ITGA9: variants seen among roughly 807,000 people sequenced by gnomAD.
The protein encoded by ITGA9 is integrin subunit alpha 9.
In ITGA9, 56 loss-of-function variants were observed where a neutral mutation model predicts 127.8. The observed-to-expected ratio is 0.44, with a 90% confidence interval of 0.35 to 0.55. ITGA9 has a LOEUF of 0.55. ITGA9 is among the 20% of genes least tolerant of loss of function. The probability of loss-of-function intolerance (pLI) is 0.00; values close to 1 mark genes in which losing one functional copy is unlikely to be tolerated. For missense variants in ITGA9, 1,196 were observed against 1,347.1 expected, an observed-to-expected ratio of 0.89 and a Z score of 1.76; for synonymous variants, 508 against 514.5, an observed-to-expected ratio of 0.99 and a Z score of 0.17.
intron 26 of ITGA9, among the ~76,000 whole-genome samples, chr3:37,798,526 C>T (rs1426918635): frequency 6.6e-6 from 1 of 152,158 alleles, no homozygotes; most frequent in Admixed American, 6.5e-5. Flanking sequence ...AATTCAGAAT[C>T]TGCATTTTAA....
intron 17 of ITGA9, among the ~76,000 whole-genome samples, chr3:37,663,490 G>C (rs778398160): frequency 1.3e-5 from 2 of 152,174 alleles, no homozygotes; most frequent in Non-Finnish European, 2.9e-5. Context: ...GGGGTTGGGT[G>C]GTGGGGCGAA....
At chr3:37,645,264 G>A (rs781523151) in intron 16 of ITGA9, among the ~76,000 whole-genome samples, 10 of 152,108 alleles carry the variant, frequency 6.6e-5, no homozygotes, top group South Asian at 4.2e-4. Context: ...AAGTCATACC[G>A]CATATCAAGA....
At chr3:37,616,265 T>A (rs1391026858) in intron 15 of ITGA9, among the ~76,000 whole-genome samples, 1 of 152,230 alleles carries the variant, frequency 6.6e-6, no homozygotes, top group East Asian at 1.9e-4. Context: ...TTCCATGTAG[T>A]TGAGCGGTTT....
At chr3:37,801,998 CAGGT>C (rs1430385156) in intron 26 of ITGA9, among the ~76,000 whole-genome samples, 1 of 152,176 alleles carries the variant, frequency 6.6e-6, no homozygotes, top group Non-Finnish European at 1.5e-5. Flanking sequence ...ATTCAGTTGA[CAGGT>C]AGCCTATAAA....
chr3:37,652,773 T>C (rs1442141193), intron 16 of ITGA9, among the ~76,000 whole-genome samples: 1 of 152,200 alleles, frequency 6.6e-6, no homozygotes, highest in Non-Finnish European at 1.5e-5. Context: ...GGCTCTTCTC[T>C]CCAAATTCCA....
chr3:37,816,043 C>T (rs1697428195), intron 27 of ITGA9, among the ~76,000 whole-genome samples: 1 of 152,180 alleles, frequency 6.6e-6, no homozygotes, highest in Admixed American at 6.5e-5. Flanking sequence ...ACAACATCTC[C>T]TCCCTCTCAT....
chr3:37,557,393 T>C (rs1173655524), intron 15 of ITGA9, among the ~76,000 whole-genome samples: 1 of 152,198 alleles, frequency 6.6e-6, no homozygotes, highest in Non-Finnish European at 1.5e-5. Flanking sequence ...CAGAAAGGAT[T>C]CTGTCACCTA....
chr3:37,665,935 G>A (rs1416759378), intron 17 of ITGA9, among the ~76,000 whole-genome samples: 1 of 152,204 alleles, frequency 6.6e-6, no homozygotes, highest in African/African-American at 2.4e-5. Context: ...AGACATCGAA[G>A]GGTGACATGC....
At chr3:37,536,070 C>G (rs1437517602) in intron 14 of ITGA9, among the ~76,000 whole-genome samples, 2 of 152,298 alleles carry the variant, frequency 1.3e-5, no homozygotes, top group East Asian at 3.9e-4. Flanking sequence ...AGCCTCTTGG[C>G]TCTGCACAGT....
At chr3:37,491,579 C>T (rs1005272584) in intron 4 of ITGA9, among the ~76,000 whole-genome samples, 4 of 152,200 alleles carry the variant, frequency 2.6e-5, no homozygotes, top group South Asian at 4.1e-4. Flanking sequence ...CTCCACCCTG[C>T]ACTTCCTGGA....
intron 21 of ITGA9, 88 bp downstream of exon 21, chr3:37,741,907 A>C: frequency 9.5e-7 from 1 of 1,052,564 alleles, no homozygotes. Context: ...GTAGCCAGCC[A>C]GGAGCCAAGG....
At chr3:37,591,914 A>G (rs539867441) in intron 15 of ITGA9, among the ~76,000 whole-genome samples, 1 of 152,240 alleles carries the variant, frequency 6.6e-6, no homozygotes, top group African/African-American at 2.4e-5. Context: ...ATGTTTTTCT[A>G]GGTTATGAGG....
intron 13 of ITGA9, among the ~76,000 whole-genome samples, chr3:37,526,931 C>T (rs2125583992): frequency 6.6e-6 from 1 of 152,320 alleles, no homozygotes; most frequent in South Asian, 2.1e-4. Flanking sequence ...TGAGTGGGAG[C>T]CCAGTTACTT....
chr3:37,465,971 G>T (rs377551396), intron 1 of ITGA9, among the ~76,000 whole-genome samples: 1 of 152,020 alleles, frequency 6.6e-6, no homozygotes, highest in Non-Finnish European at 1.5e-5. Flanking sequence ...CTACAGCTTG[G>T]CATCTTAACA....
At chr3:37,779,825 C>A in intron 24 of ITGA9, 77 bp from the exon 25 acceptor site, 2 of 1,409,302 alleles carry the variant, frequency 1.4e-6, no homozygotes, top group Non-Finnish European at 1.0e-6. Context: ...GTTCATGGAG[C>A]CCACTACTCT....
At chr3:37,574,926 A>G (rs753879277) in intron 15 of ITGA9, among the ~76,000 whole-genome samples, 3 of 152,166 alleles carry the variant, frequency 2.0e-5, no homozygotes, top group Non-Finnish European at 4.4e-5. Flanking sequence ...AACCTTCCAG[A>G]AGACCCTGCC....
At chr3:37,651,180 T>C (rs1318019913) in intron 16 of ITGA9, among the ~76,000 whole-genome samples, 1 of 152,088 alleles carries the variant, frequency 6.6e-6, no homozygotes, top group East Asian at 1.9e-4. Context: ...GTGCTTGCCT[T>C]TGTTGGATGG....
At chr3:37,809,896 G>A (rs1697346147) in intron 27 of ITGA9, among the ~76,000 whole-genome samples, 1 of 152,180 alleles carries the variant, frequency 6.6e-6, no homozygotes, top group Admixed American at 6.5e-5. Flanking sequence ...CTAAACTCCA[G>A]CCTCATATTT....
At chr3:37,772,908 G>A (rs751188160) in intron 23 of ITGA9, among the ~76,000 whole-genome samples, 41 of 152,096 alleles carry the variant, frequency 2.7e-4, no homozygotes, top group Non-Finnish European at 3.2e-4. Context: ...TCACGCCATC[G>A]CCATTACCCT....
Sources: allele counts gnomAD v4.1 joint callset (sites outside exome capture counted in the v4.1 genomes callset), GRCh38; gene constraint gnomAD v4.1.1; transcripts MANE v1.5; gene names NCBI Gene and HGNC (gene_info 2026-07-23, HGNC 2026-07-21).